The following PHLPP2 variants were observed in gnomAD, a reference collection of about 807,000 sequenced individuals.
The protein encoded by PHLPP2 is PH domain and leucine rich repeat protein phosphatase 2.
In PHLPP2, 66 loss-of-function variants were observed where a neutral mutation model predicts 124.9. The observed-to-expected ratio is 0.53, with a 90% CI of 0.43 to 0.65. PHLPP2 has a LOEUF of 0.65. Among genes scored for constraint, PHLPP2 ranks in the 30% least tolerant of loss-of-function variants. The probability of loss-of-function intolerance (pLI) is 0.00; values close to 1 mark genes in which losing one functional copy is unlikely to be tolerated. For synonymous variants in PHLPP2, 681 were observed against 624.7 expected, an observed-to-expected ratio of 1.09 and a Z score of -1.34; for missense variants, 1,685 against 1,600.4, an observed-to-expected ratio of 1.05 and a Z score of -0.90.
chr16:71,698,550 G>T, intron 3 of PHLPP2: 1 of 671,714 alleles, frequency 1.5e-6, no homozygotes, highest in Non-Finnish European at 2.8e-6. Context: ...TCAGAGACAT[G>T]AACATCCATC....
Position 71,663,881 on chromosome 16 carries a change from A to C in PHLPP2, c.1985+18T>G, listed in dbSNP as rs1231069304. The C allele has an allele frequency of 3.8e-6, 6 of 1,584,448 alleles. No homozygotes were observed. The highest frequency in any genetic ancestry group is 4.3e-6 in the Non-Finnish European group (5 of 1,153,008). ...AATGTTGTGTATTTGAAATGATCAA[A>C]GTTTGCATTCATTTTACCTTGCAGG... On this transcript the variant is annotated intron_variant, in intron 13 of 18. Transcript: ENST00000568954.
chr16:71,721,210 A>G (rs2045396300), intron 1 of PHLPP2, among the ~76,000 whole-genome samples: 2 of 151,990 alleles, frequency 1.3e-5, no homozygotes, highest in Admixed American at 6.6e-5. Flanking sequence ...AAACGTGCCT[A>G]TGATCCCAGC....
chr16:71,699,404 G>A (rs888069314), intron 3 of PHLPP2, among the ~76,000 whole-genome samples: 1 of 152,146 alleles, frequency 6.6e-6, no homozygotes, highest in Non-Finnish European at 1.5e-5. Flanking sequence ...AGCGAGCAGA[G>A]AAGAGAAGCA....
chr16:71,669,417 G>GGGCCGGGCGCGGTGGCTC, intron 10 of PHLPP2, 47 bp from the exon 11 acceptor site: 1 of 1,361,680 alleles, frequency 7.3e-7, no homozygotes, highest in Non-Finnish European at 1.0e-6. Flanking sequence ...ATGACAAGTG[G>GGGCCGGGCGCGGTGGCTC]AACTCATTTC....
intron 4 of PHLPP2, among the ~76,000 whole-genome samples, chr16:71,689,211 T>C (rs947095140): frequency 6.6e-6 from 1 of 152,022 alleles, no homozygotes; most frequent in South Asian, 2.1e-4. Flanking sequence ...TCTTTTCATA[T>C]TTTTATTATT....
chr16:71,710,373 C>T (rs1236789770), intron 2 of PHLPP2, among the ~76,000 whole-genome samples: 1 of 152,078 alleles, frequency 6.6e-6, no homozygotes, highest in Non-Finnish European at 1.5e-5. Flanking sequence ...CAAGTGATAA[C>T]TCATGGTTAA....
chr16:71,712,886 T>A (rs2045332912), intron 2 of PHLPP2, among the ~76,000 whole-genome samples: 1 of 152,186 alleles, frequency 6.6e-6, no homozygotes, highest in Non-Finnish European at 1.5e-5. Flanking sequence ...GAATTCTGTT[T>A]CAAGACACTT....
At chr16:71,653,099 C>CTTT (rs11298836) in intron 17 of PHLPP2, 78 bp from the exon 18 acceptor site, 16 of 547,718 alleles carry the variant, frequency 2.9e-5, no homozygotes, top group Non-Finnish European at 3.5e-5. Flanking sequence ...TACATCCCTT[C>CTTT]TTTTTTTTTT....
rs766468118 is a variant in PHLPP2, at chr16:71,652,985, G to A, written c.2622C>T (p.Ser874=). ...CAGGGCGGATGTAGCACAGGAGAGC[G>A]GAGGAGCCCAACTTCTGGCCAGCCA... ...LGMAGQKLGS[S]ALLCYIRPDT... Residue 874 remains serine, a synonymous_variant, in exon 18 of 19, where the codon TCC becomes TCT. Coordinates refer to ENST00000568954, the MANE Select transcript of PHLPP2 (RefSeq NM_015020.3). 32 of 1,613,512 alleles carry A rather than the reference G, an allele frequency of 2.0e-5. No individual in the cohort carries two copies. The highest frequency in any genetic ancestry group is 4.0e-5 in the African/African-American group (3 of 74,908).
intron 16 of PHLPP2, 43 bp from the exon 17 acceptor site, chr16:71,655,477 T>C (rs753606410): frequency 2.9e-6 from 4 of 1,379,076 alleles, no homozygotes; most frequent in African/African-American, 2.9e-5. Flanking sequence ...AAGTTACTGG[T>C]AAAATATTAT....
At chr16:71,712,650 T>C (rs1319067747) in intron 2 of PHLPP2, among the ~76,000 whole-genome samples, 1 of 152,178 alleles carries the variant, frequency 6.6e-6, no homozygotes, top group Non-Finnish European at 1.5e-5. Context: ...TACAAATGGA[T>C]TTAGCAAATG....
At chr16:71,654,081 G>C (rs1201541937) in intron 17 of PHLPP2, among the ~76,000 whole-genome samples, 3 of 151,880 alleles carry the variant, frequency 2.0e-5, no homozygotes, top group Non-Finnish European at 4.4e-5. Flanking sequence ...TGTAGTCCCA[G>C]CTACTCGGGA....
In PHLPP2 at chr16:71,645,904, T is replaced by TG. The variant is rs2044650092; in HGVS notation, c.*2985dup. The TG allele has an allele frequency of 6.6e-6, 1 of 152,426 alleles. No homozygotes were observed. Among genetic ancestry groups the TG allele is most frequent in the Admixed American group, 6.5e-5 (1 of 15,276 alleles). The allele number at this position is 152,426 out of a possible 1,614,324, so 9.4% of individuals were successfully genotyped here. A position where few individuals can be genotyped will look rare whatever the true frequency, so the allele number is the denominator to read the frequency against. On this transcript the variant is annotated 3_prime_UTR_variant, in exon 19 of 19. Transcript: ENST00000568954. ...AATCCATTTGGACAAAAATACACCA[T>TG]GGCTGCCAAGACACATGTATTTTTC...
intron 3 of PHLPP2, among the ~76,000 whole-genome samples, chr16:71,697,117 G>C (rs2045179483): frequency 6.6e-6 from 1 of 151,860 alleles, no homozygotes; most frequent in South Asian, 2.1e-4. Context: ...AGGTTGCAGT[G>C]AGCTGAGATG....
At chr16:71,673,049 T>C (rs2044908925) in intron 9 of PHLPP2, among the ~76,000 whole-genome samples, 1 of 152,232 alleles carries the variant, frequency 6.6e-6, no homozygotes, top group South Asian at 2.1e-4. Flanking sequence ...TCATTCATTC[T>C]CATGCCTGTA....
intron 2 of PHLPP2, among the ~76,000 whole-genome samples, chr16:71,708,345 AT>A (rs1285449853): frequency 6.6e-6 from 1 of 152,144 alleles, no homozygotes; most frequent in Non-Finnish European, 1.5e-5. Context: ...CTCCTGGACA[AT>A]GAGTCTCAGA....
intron 1 of PHLPP2, among the ~76,000 whole-genome samples, chr16:71,719,950 A>C (rs1233913806): frequency 9.3e-6 from 1 of 107,046 alleles, no homozygotes; most frequent in African/African-American, 3.9e-5. Flanking sequence ...GGTGCACAAC[A>C]CCATGCCCAG....
At chr16:71,703,784 T>TTTAC (rs1336964457) in intron 2 of PHLPP2, among the ~76,000 whole-genome samples, 2 of 152,212 alleles carry the variant, frequency 1.3e-5, no homozygotes, top group Non-Finnish European at 2.9e-5. Flanking sequence ...AATTTATTTA[T>TTTAC]TTACTTTCAA....
intron 9 of PHLPP2, among the ~76,000 whole-genome samples, chr16:71,675,783 G>GCA (rs566055449): frequency 1.3e-3 from 201 of 152,228 alleles, no homozygotes; most frequent in African/African-American, 4.2e-3. Flanking sequence ...ACATGCAATG[G>GCA]CACGGTCTCA....
Sources: gnomAD v4.1 joint callset for allele counts (sites outside exome capture counted in the v4.1 genomes callset) on GRCh38, gnomAD v4.1.1 for gene constraint, MANE v1.5 for transcripts, NCBI Gene and HGNC (gene_info 2026-07-23, HGNC 2026-07-21) for gene names.